Variants in ADCY2 observed in about 807,000 individuals in gnomAD.
ADCY2 encodes adenylate cyclase 2, also known as adenylate cyclase type 2.
In ADCY2, 31 loss-of-function variants were observed where a neutral mutation model predicts 125.2. That is an observed-to-expected ratio of 0.25 (90% CI 0.19 to 0.33). The LOEUF (loss-of-function observed/expected upper bound fraction) is 0.33, where lower values mean the gene tolerates loss of function less well. ADCY2 is among the 10% of genes least tolerant of loss of function. The pLI, the probability that ADCY2 is intolerant of heterozygous loss-of-function variation, is 1.00. For synonymous variants in ADCY2, 512 were observed against 548.4 expected (o/e 0.93, Z 0.93); for missense variants, 904 against 1,418.2 (o/e 0.64, Z 5.82).
intron 16 of ADCY2, among the ~76,000 whole-genome samples, chr5:7,761,519 G>T (rs1015485188): frequency 6.6e-6 from 1 of 152,116 alleles, no homozygotes. Flanking sequence ...AATAATGCTA[G>T]AATGAACTTT....
At chr5:7,693,179 C>T (rs1740760712) in intron 5 of ADCY2, among the ~76,000 whole-genome samples, 1 of 152,098 alleles carries the variant, frequency 6.6e-6, no homozygotes, top group African/African-American at 2.4e-5. Context: ...CTGTCCACTT[C>T]TATTTCAGCA....
chr5:7,692,919 A>G (rs1286154230), intron 5 of ADCY2, among the ~76,000 whole-genome samples: 3 of 152,154 alleles, frequency 2.0e-5, no homozygotes, highest in Non-Finnish European at 4.4e-5. Flanking sequence ...ACAGGCCTCA[A>G]CCATAGCTTT....
intron 3 of ADCY2, among the ~76,000 whole-genome samples, chr5:7,607,054 T>G (rs1737401358): frequency 2.6e-5 from 4 of 152,182 alleles, no homozygotes; most frequent in Admixed American, 2.6e-4. Context: ...TTTGATCCTG[T>G]TCTGCCTTCG....
chr5:7,802,398 G>C lies in ADCY2; in HGVS notation c.2775+34G>C. On this transcript the variant is annotated intron_variant, in intron 21 of 24. Coordinates refer to ENST00000338316, the MANE Select transcript of ADCY2 (RefSeq NM_020546.3). This position sits in a 1 kb window ranked among gnomAD's most constrained non-coding sequence, Gnocchi z 4.6. Reference sequence around the variant, plus strand: ...TGAGAGTTGCCCTCGAAGGGCAGCAGTACACTCAGTCTCACACCTGTGCAC... The same window carrying C: ...TGAGAGTTGCCCTCGAAGGGCAGCACTACACTCAGTCTCACACCTGTGCAC... The C allele has an allele frequency of 1.2e-6, 2 of 1,607,376 alleles. No individual in the cohort carries two copies. Among genetic ancestry groups the C allele is most frequent in the Non-Finnish European group, 1.7e-6 (2 of 1,176,192 alleles).
chr5:7,425,682 C>T (rs1297324867), intron 2 of ADCY2, among the ~76,000 whole-genome samples: 1 of 152,190 alleles, frequency 6.6e-6, no homozygotes, highest in Non-Finnish European at 1.5e-5. Flanking sequence ...TCACTCAAGT[C>T]GTAAAGGGAG....
At chr5:7,691,653 C>G (rs1346701144) in intron 5 of ADCY2, 2 of 152,258 alleles carry the variant, frequency 1.3e-5, no homozygotes, top group African/African-American at 4.8e-5. Context: ...TGTGCCCCTC[C>G]CATTCCCAGT....
At chr5:7,527,568 T>C (rs1734516840) in intron 3 of ADCY2, among the ~76,000 whole-genome samples, 1 of 152,232 alleles carries the variant, frequency 6.6e-6, no homozygotes, top group Admixed American at 6.5e-5. Flanking sequence ...AAGCCAGTTA[T>C]GCAAGAATCC....
intron 2 of ADCY2, among the ~76,000 whole-genome samples, chr5:7,468,379 A>G (rs1355521101): frequency 6.6e-6 from 1 of 152,220 alleles, no homozygotes; most frequent in Non-Finnish European, 1.5e-5. Flanking sequence ...ACATTCCTAA[A>G]GAAAAGCTGC....
chr5:7,550,424 T>C (rs1232617880), intron 3 of ADCY2, among the ~76,000 whole-genome samples: 2 of 152,152 alleles, frequency 1.3e-5, no homozygotes, highest in African/African-American at 4.8e-5. Flanking sequence ...GACTCTCCCA[T>C]TGTTCTATGG....
chr5:7,787,869 G>C (rs1744130253), intron 19 of ADCY2, among the ~76,000 whole-genome samples: 1 of 152,110 alleles, frequency 6.6e-6, no homozygotes. Flanking sequence ...CATGGCGCAT[G>C]GAAACCTTTC....
intron 2 of ADCY2, among the ~76,000 whole-genome samples, chr5:7,467,886 G>C (rs1456702421): frequency 6.6e-6 from 1 of 152,180 alleles, no homozygotes; most frequent in Non-Finnish European, 1.5e-5. Flanking sequence ...CAAATTGCTT[G>C]AGAGAAGTCC....
chr5:7,796,113 G>A lies in ADCY2; in HGVS notation c.2629-6105G>A, dbSNP rs1473361362. On this transcript the variant is annotated intron_variant, in intron 20 of 24. Coordinates refer to ENST00000338316, the MANE Select transcript of ADCY2 (RefSeq NM_020546.3). ...AAGTCATGTTTTATTTCCCTGCCTG[G>A]GATCAGCTTATACCTGCATCCTTTC... 2.0e-5 allele frequency: 3 copies of A among 152,122 alleles called. No homozygotes were observed. The East Asian group carries it at 5.8e-4, about 29-fold the overall frequency. The allele number at this position is 152,122 out of a possible 1,614,324, so 9.4% of individuals were successfully genotyped here. A position where few individuals can be genotyped will look rare whatever the true frequency, so the allele number is the denominator to read the frequency against.
intron 3 of ADCY2, among the ~76,000 whole-genome samples, chr5:7,524,602 A>G (rs1455396748): frequency 6.6e-6 from 1 of 152,190 alleles, no homozygotes; most frequent in Non-Finnish European, 1.5e-5. Context: ...TGGCCCTATG[A>G]TCCTAACACT....
intron 7 of ADCY2, among the ~76,000 whole-genome samples, chr5:7,703,543 G>A (rs1741160129): frequency 6.6e-6 from 1 of 152,044 alleles, no homozygotes; most frequent in African/African-American, 2.4e-5. Context: ...GTAGATGTGT[G>A]GTATTATTTC....
intron 3 of ADCY2, among the ~76,000 whole-genome samples, chr5:7,604,202 A>T (rs1737336269): frequency 1.1e-4 from 1 of 9,402 alleles, no homozygotes; most frequent in Non-Finnish European, 1.7e-4. Context: ...ACATTTTCTT[A>T]ATCCAGTCTA....
chr5:7,678,470 A>G (rs1740206818), intron 4 of ADCY2, among the ~76,000 whole-genome samples: 1 of 152,240 alleles, frequency 6.6e-6, no homozygotes. Flanking sequence ...TCCCCTGGAA[A>G]TCTATGCATG....
At chr5:7,473,264 G>A (rs1742405292) in intron 2 of ADCY2, among the ~76,000 whole-genome samples, 3 of 152,134 alleles carry the variant, frequency 2.0e-5, no homozygotes, top group Admixed American at 1.3e-4. Context: ...AAGAAGCATG[G>A]CACCCACATC....
At position 7,776,625 on chromosome 5, in the gene ADCY2, G is replaced by T. The variant is rs1328352824; in HGVS notation, c.2384+3524G>T. Among the ~76,000 whole-genome samples the T allele has an allele frequency of 2.6e-5, 4 of 152,298 alleles. No homozygotes were observed. The East Asian group carries it at 7.7e-4, about 29-fold the overall frequency. ...AGCTGGTAAAGTATTGTTTCTGGGT[G>T]TGTCTGCGTGGGTGTTGCCAGAGAA... On this transcript the variant is annotated intron_variant, in intron 18 of 24. Transcript: ENST00000338316.
At chr5:7,532,521 T>A (rs556776910) in intron 3 of ADCY2, among the ~76,000 whole-genome samples, 16 of 152,224 alleles carry the variant, frequency 1.1e-4, no homozygotes, top group Non-Finnish European at 1.8e-4. Flanking sequence ...AGTAGACACA[T>A]TTGTCTAATT....
Sources: allele counts gnomAD v4.1 joint callset (sites outside exome capture counted in the v4.1 genomes callset), GRCh38; gene constraint gnomAD v4.1.1; non-coding constraint Gnocchi (gnomAD v3.1); transcripts MANE v1.5; gene names NCBI Gene and HGNC (gene_info 2026-07-23, HGNC 2026-07-21).